GIPC2: variants seen among roughly 807,000 people sequenced by gnomAD.
The protein encoded by GIPC2 is PDZ domain-containing protein GIPC2.
Under a neutral mutation model 30.6 loss-of-function variants are expected in GIPC2, and 30 were observed. The observed-to-expected ratio is 0.98, with a 90% confidence interval of 0.73 to 1.33. The LOEUF is 1.33. Among genes scored for constraint, GIPC2 ranks in the 40% most tolerant of loss-of-function variants. The pLI is 0.00. For missense variants in GIPC2, 414 were observed against 390.3 expected (o/e 1.06, Z -0.51); for synonymous variants, 167 against 150.0 (o/e 1.11, Z -0.83).
intron 2 of GIPC2, among the ~76,000 whole-genome samples, chr1:78,083,850 A>C (rs186876036): frequency 4.6e-5 from 7 of 152,320 alleles, no homozygotes; most frequent in African/African-American, 1.7e-4. Flanking sequence ...TTTATTGAGT[A>C]GGTTCTTACT....
rs892137438 is a variant in GIPC2 at position 78,136,864 on chromosome 1, A to C, written c.*1121A>C. 6.6e-6 allele frequency: 1 copy of C among 152,176 alleles called. No homozygotes were observed. Among genetic ancestry groups the C allele is most frequent in the African/African-American group, 2.4e-5 (1 of 41,462 alleles). 9.4% of individuals were successfully genotyped at this position (152,176 alleles called of 1,614,324 possible). On this transcript the variant is annotated 3_prime_UTR_variant, in exon 6 of 6. Coordinates refer to ENST00000370759, the MANE Select transcript of GIPC2 (RefSeq NM_017655.6). The stretch of plus-strand genomic sequence containing the variant: ...AGAAATGGAAATGAATGGTTTCAAC[A>C]AAGATCATTTAATACAGCAGAGCAT...
chr1:78,112,619 G>A, intron 3 of GIPC2: 1 of 495,594 alleles, frequency 2.0e-6, no homozygotes, highest in Non-Finnish European at 4.1e-6. Context: ...CCACTGCTTG[G>A]TCCTTCCGTC....
chr1:78,122,971 G>A (rs1662711333), intron 4 of GIPC2, among the ~76,000 whole-genome samples: 1 of 152,054 alleles, frequency 6.6e-6, no homozygotes, highest in Non-Finnish European at 1.5e-5. Context: ...AAGAAAGGAG[G>A]TCAGAAGGCT....
intron 2 of GIPC2, among the ~76,000 whole-genome samples, chr1:78,089,628 G>A (rs893419989): frequency 1.3e-5 from 2 of 152,144 alleles, no homozygotes; most frequent in Non-Finnish European, 2.9e-5. Flanking sequence ...TTACAGGGAT[G>A]AGCCACCATA....
chr1:78,128,197 T>A (rs535686009), intron 5 of GIPC2, among the ~76,000 whole-genome samples: 69 of 152,228 alleles, frequency 4.5e-4, no homozygotes, highest in African/African-American at 1.6e-3. Context: ...GGCTAATTTT[T>A]TTAATTTTAA....
chr1:78,123,259 C>CAAA (rs757371953), intron 4 of GIPC2, among the ~76,000 whole-genome samples: 13,384 of 51,634 alleles, frequency 0.26, 1,555 homozygotes, highest in East Asian at 0.59. Context: ...GACTCCATCT[C>CAAA]AAAAAAAAAA....
At chr1:78,094,892 G>A in intron 2 of GIPC2, 60 bp from the exon 3 acceptor site, 1 of 1,181,184 alleles carries the variant, frequency 8.5e-7, no homozygotes, top group Non-Finnish European at 1.2e-6. Context: ...GATCAGATGA[G>A]ATTGGTGCAT....
Position 78,117,654 on chromosome 1 carries a change from C to T in GIPC2, c.608-1739C>T, listed in dbSNP as rs201000828. 1.1e-4 allele frequency among the ~76,000 whole-genome samples: 16 copies of T among 152,264 alleles called. No individual in the cohort carries two copies. The East Asian group carries it at 1.2e-3, about 11-fold the overall frequency. ...CAGGCCATGGGCTGGTACCAGTCTG[C>T]GGCCCTGGAGGTTGGAGACCTCTAC... On this transcript the variant is annotated intron_variant, in intron 3 of 5. Transcript: ENST00000370759.
chr1:78,107,623 G>A (rs896888150), intron 3 of GIPC2, among the ~76,000 whole-genome samples: 1 of 151,738 alleles, frequency 6.6e-6, no homozygotes, highest in Admixed American at 6.6e-5. Context: ...TCAGGAGTTC[G>A]AGACCAGCCT....
intron 1 of GIPC2, among the ~76,000 whole-genome samples, chr1:78,066,091 A>C (rs1661506354): frequency 6.6e-6 from 1 of 152,240 alleles, no homozygotes; most frequent in Admixed American, 6.5e-5. Context: ...GAAAACTATC[A>C]GCAGAGTAAA....
chr1:78,111,827 C>G (rs1010049952), intron 3 of GIPC2, among the ~76,000 whole-genome samples: 1 of 152,248 alleles, frequency 6.6e-6, no homozygotes, highest in Non-Finnish European at 1.5e-5. Flanking sequence ...CAAGTTCACA[C>G]AACTTGCAAG....
At chr1:78,111,551 G>T (rs1324985933) in intron 3 of GIPC2, among the ~76,000 whole-genome samples, 2 of 152,186 alleles carry the variant, frequency 1.3e-5, no homozygotes, top group Non-Finnish European at 2.9e-5. Context: ...ACAGCTTTCT[G>T]AACATTTTAC....
At chr1:78,085,230 A>C (rs1332631658) in intron 2 of GIPC2, among the ~76,000 whole-genome samples, 2 of 152,188 alleles carry the variant, frequency 1.3e-5, no homozygotes, top group Admixed American at 1.3e-4. Context: ...GATGAAGCAC[A>C]TTTATTGATA....
chr1:78,067,107 G>C, intron 1 of GIPC2, among the ~76,000 whole-genome samples: 1 of 152,164 alleles, frequency 6.6e-6, no homozygotes, highest in East Asian at 1.9e-4. Flanking sequence ...ATCTTGAAGT[G>C]TCACCTGTTG....
intron 4 of GIPC2, 114 bp from the exon 5 acceptor site, chr1:78,125,767 T>G: frequency 3.2e-6 from 2 of 626,966 alleles, no homozygotes; most frequent in South Asian, 3.7e-5. Context: ...TCCATTAAAA[T>G]TAGCTGAAAT....
At chr1:78,126,408 G>A (rs1662783125) in intron 5 of GIPC2, among the ~76,000 whole-genome samples, 1 of 152,266 alleles carries the variant, frequency 6.6e-6, no homozygotes. Context: ...TGACTGAGAA[G>A]GGCAGTTGAG....
At chr1:78,131,954 T>G (rs912820618) in intron 5 of GIPC2, among the ~76,000 whole-genome samples, 1 of 152,218 alleles carries the variant, frequency 6.6e-6, no homozygotes, top group Admixed American at 6.5e-5. Flanking sequence ...TTCTACAAGA[T>G]CAGGTATTTT....
intron 1 of GIPC2, chr1:78,069,079 G>T (rs1354623135): frequency 1.0e-6 from 1 of 985,312 alleles, no homozygotes. Flanking sequence ...GAAACTGCTT[G>T]GTGAGAGTAG....
intron 3 of GIPC2, among the ~76,000 whole-genome samples, chr1:78,105,350 G>A (rs1048441233): frequency 6.7e-6 from 1 of 149,904 alleles, no homozygotes; most frequent in African/African-American, 2.5e-5. Context: ...GCAGTGGTGC[G>A]ATCTCAGCTC....
Sources: gnomAD v4.1 joint callset for allele counts (sites outside exome capture counted in the v4.1 genomes callset) on GRCh38, gnomAD v4.1.1 for gene constraint, MANE v1.5 for transcripts, NCBI Gene and HGNC (gene_info 2026-07-23, HGNC 2026-07-21) for gene names.